SIGLEC5: variants seen among roughly 807,000 people sequenced by gnomAD.
SIGLEC5 encodes sialic acid binding Ig like lectin 5, also known as sialic acid-binding Ig-like lectin 5.
In SIGLEC5, 34 loss-of-function variants were observed where a neutral mutation model predicts 45.9. The ratio of observed to expected loss-of-function variants is 0.74; its 90% CI spans 0.56 to 0.99. SIGLEC5 has a LOEUF of 0.99. Ranked by LOEUF, SIGLEC5 falls within the 50% of genes least tolerant of loss-of-function variation. The probability of loss-of-function intolerance (pLI) is 0.00; values close to 1 mark genes in which losing one functional copy is unlikely to be tolerated. For missense variants in SIGLEC5, 508 were observed against 629.6 expected, an observed-to-expected ratio of 0.81 and a Z score of 2.07; for synonymous variants, 203 against 258.6, an observed-to-expected ratio of 0.79 and a Z score of 2.06.
chr19:51,627,185 A>G lies in SIGLEC5; in HGVS notation c.1346T>C (p.Leu449Pro). The change falls in exon 7 of 9, where the codon CTG becomes CCG. Residue 449 changes from leucine (L) to proline (P), a missense_variant. This residue lies in a region of SIGLEC5 where 431 missense variants were observed against 428.8 expected (regional missense o/e 1.01). Coordinates refer to ENST00000683636, the MANE Select transcript of SIGLEC5 (RefSeq NM_003830.4). Reference sequence around the variant, plus strand: ...GATGAGGCACAGACAGATACAGAGCAGGGCCATGACACCAGCACCACCAAG... The same window carrying G: ...GATGAGGCACAGACAGATACAGAGCGGGGCCATGACACCAGCACCACCAAG... ...AALGGAGVMA[L>P]LCICLCLIFF... 3 of 1,614,102 alleles carry G rather than the reference A, an allele frequency of 1.9e-6. No individual in the cohort carries two copies. The highest frequency in any genetic ancestry group is 2.5e-6 in the Non-Finnish European group (3 of 1,179,980).
chr19:51,626,235 C>A, intron 7 of SIGLEC5, 122 bp from the exon 8 acceptor site: 1 of 733,254 alleles, frequency 1.4e-6, no homozygotes, highest in East Asian at 2.6e-5. Flanking sequence ...GAACTAAACT[C>A]GGAGACCTTC....
Position 51,611,044 on chromosome 19 carries a change from A to G in SIGLEC5, c.*1187T>C, listed in dbSNP as rs552783974. On this transcript the variant is annotated 3_prime_UTR_variant, in exon 9 of 9. Coordinates refer to ENST00000683636, the MANE Select transcript of SIGLEC5 (RefSeq NM_003830.4). ...TGTCATAACCAAAACAGTAGTCACA[A>G]TTCACCTTCTTTACAGTGATGAAAA... is the stretch of plus-strand genomic sequence containing the variant. 1.1e-4 allele frequency among the ~76,000 whole-genome samples: 17 copies of G among 152,322 alleles called. No individual in the cohort carries two copies. In the South Asian group the frequency reaches 3.5e-3, roughly 32 times the overall value.
chr19:51,624,679 C>T (rs964104225), intron 8 of SIGLEC5, among the ~76,000 whole-genome samples: 1 of 152,102 alleles, frequency 6.6e-6, no homozygotes, highest in African/African-American at 2.4e-5. Flanking sequence ...AAGAATTCCA[C>T]AGATATTGGC....
In SIGLEC5 at chr19:51,612,337, T is replaced by A. The variant is rs1452261069; in HGVS notation, c.1550A>T (p.Glu517Val). 4 of 1,613,470 alleles carry A rather than the reference T, an allele frequency of 2.5e-6. No homozygotes were observed. Among genetic ancestry groups the A allele is most frequent in the Non-Finnish European group, 3.4e-6 (4 of 1,179,808 alleles). Residue 517 changes from glutamate (E) to valine (V), a missense_variant, in exon 9 of 9, where the codon GAG becomes GTG. Glu to Val is a moderately radical substitution (Grantham distance 121). Transcript: ENST00000683636. The stretch of plus-strand genomic sequence containing the variant: ...AAAACTAAGGGAGGCATAATGGAGC[T>A]CCTTTTGTTCTTCCAAGGGAGGGGC... ...GDAPPLEEQKELHYASLSFSE... is the reference protein window; with the variant it reads ...GDAPPLEEQKVLHYASLSFSE...
At chr19:51,616,046 G>A (rs897162524) in intron 8 of SIGLEC5, among the ~76,000 whole-genome samples, 5 of 152,194 alleles carry the variant, frequency 3.3e-5, no homozygotes, top group African/African-American at 1.2e-4. Context: ...AAAGTGCTGG[G>A]ATTATAGGCG....
At chr19:51,616,372 C>A (rs1983053567) in intron 8 of SIGLEC5, among the ~76,000 whole-genome samples, 1 of 152,138 alleles carries the variant, frequency 6.6e-6, no homozygotes, top group Non-Finnish European at 1.5e-5. Context: ...ACAAAGTGTG[C>A]ATGCAAAATG....
At chr19:51,618,792 C>A (rs1348093528) in intron 8 of SIGLEC5, among the ~76,000 whole-genome samples, 35 of 48,324 alleles carry the variant, frequency 7.2e-4, no homozygotes, top group Admixed American at 1.4e-3. Context: ...ACTCTGTCTC[C>A]AAAAAAAAAA....
At chr19:51,626,969 A>G (rs1983504072) in intron 7 of SIGLEC5, among the ~76,000 whole-genome samples, 180 bp downstream of exon 7, 1 of 152,124 alleles carries the variant, frequency 6.6e-6, no homozygotes, top group Admixed American at 6.5e-5. Context: ...CATTGGCACA[A>G]TCCTGGCTCA....
In SIGLEC5 at chr19:51,629,043, C is replaced by T. The variant is rs780435059; in HGVS notation, c.734G>A (p.Gly245Asp). The change falls in exon 4 of 9, where the codon GGC becomes GAC. Residue 245 changes from glycine to aspartate, a missense_variant. Gly to Asp is a moderately conservative substitution (Grantham distance 94). Coordinates refer to ENST00000683636, the MANE Select transcript of SIGLEC5 (RefSeq NM_003830.4). ...APQTITIFRN[G>D]IALEILQNTS... ...AGAGAGGAGGTCTTTCCTACCTATG[C>T]CGTTCCTGAAGATGGTGATGGTCTG... is the stretch of plus-strand genomic sequence containing the variant. 5 of 1,613,686 alleles carry T rather than the reference C, an allele frequency of 3.1e-6. No individual in the cohort carries two copies. The highest frequency in any genetic ancestry group is 4.2e-6 in the Non-Finnish European group (5 of 1,179,838).
Position 51,629,895 on chromosome 19 carries a change from A to G in SIGLEC5, c.359T>C (p.Val120Ala), listed in dbSNP as rs749101348. 9 of 1,184,484 alleles carry G rather than the reference A, an allele frequency of 7.6e-6. No individual in the cohort carries two copies. The East Asian group carries it at 1.8e-4, about 24-fold the overall frequency. 73.4% of individuals were successfully genotyped at this position (1,184,484 alleles called of 1,614,324 possible). The change falls in exon 2 of 9, where the codon GTG (valine) becomes GCG (alanine). Residue 120 changes from valine to alanine, a missense_variant. This residue lies in a region of SIGLEC5 where 77 missense variants were observed against 200.8 expected (regional missense o/e 0.38). Transcript: ENST00000683636. ...ATATTTTACATCCCTTCCTCTCTCC[A>G]CGCGGAAGAAATAGCTTCCCGTGTC... ...MEDTGSYFFR[V>A]ERGRDVKYSY...
intron 4 of SIGLEC5, 66 bp downstream of exon 4, chr19:51,628,972 T>A (rs1568593913): frequency 1.4e-6 from 2 of 1,459,570 alleles, no homozygotes; most frequent in African/African-American, 1.4e-5. Context: ...AAGCTCTGAT[T>A]CTCTACCTCT....
intron 4 of SIGLEC5, 110 bp from the exon 5 acceptor site, chr19:51,628,201 C>T (rs114835415): frequency 1.7e-5 from 21 of 1,261,130 alleles, no homozygotes; most frequent in Non-Finnish European, 2.0e-5. Flanking sequence ...CTCCCCTGGC[C>T]TATGCTGGCT....
intron 8 of SIGLEC5, among the ~76,000 whole-genome samples, chr19:51,618,443 T>TAAAAAAAAAAAAAAAAAAAAAAAAAAA (rs1228951315): frequency 2.0e-5 from 1 of 49,438 alleles, no homozygotes; most frequent in Non-Finnish European, 3.4e-5. Context: ...AGACCCTGCC[T>TAAAAAAAAAAAAAAAAAAAAAAAAAAA]AAAAAAAAAA....
rs375088094 is a variant in SIGLEC5 at position 51,626,130 on chromosome 19, G to A, written c.1383-17C>T. On this transcript the variant is annotated splice_polypyrimidine_tract_variant and intron_variant, in intron 7 of 8. Transcript: ENST00000683636. Reference sequence around the variant, plus strand: ...GCTTTCACTCTAAGGAAAGAAACCAGCACAGTGCAGCTGGGACCACCCAGG... The same window carrying A: ...GCTTTCACTCTAAGGAAAGAAACCAACACAGTGCAGCTGGGACCACCCAGG... The A allele has an allele frequency of 2.0e-5, 32 of 1,609,528 alleles. No individual in the cohort carries two copies. Among genetic ancestry groups the A allele is most frequent in the Non-Finnish European group, 2.7e-5 (32 of 1,177,138 alleles).
At chr19:51,618,443 T>TCAAAA (rs1369433406) in intron 8 of SIGLEC5, among the ~76,000 whole-genome samples, 1 of 49,438 alleles carries the variant, frequency 2.0e-5, no homozygotes, top group African/African-American at 8.8e-5. Context: ...AGACCCTGCC[T>TCAAAA]AAAAAAAAAA....
intron 6 of SIGLEC5, 64 bp from the exon 7 acceptor site, chr19:51,627,312 C>A: frequency 6.4e-7 from 1 of 1,566,100 alleles, no homozygotes; most frequent in Non-Finnish European, 8.8e-7. Flanking sequence ...CTCCCACCTG[C>A]TGGGCAACTT....
rs1983642744 is a variant in SIGLEC5 at position 51,629,369 on chromosome 19, A to G, written c.689T>C (p.Leu230Pro). The change falls in exon 3 of 9, where the codon CTC (leucine) becomes CCC (proline). Residue 230 changes from leucine (L) to proline (P), a missense_variant. Around this residue, in one of 2 missense-constraint regions of SIGLEC5, gnomAD observed 431 missense variants for 428.8 expected, o/e 1.01. Coordinates refer to ENST00000683636, the MANE Select transcript of SIGLEC5 (RefSeq NM_003830.4). ...AQVTTERTVQ[L>P]NVSYAPQTIT... ...CCAGCACCACTCACAGGAGACATTG[A>G]GCTGGACAGTTCTCTCCGTGGTCAC... 3 of 1,613,526 alleles carry G rather than the reference A, an allele frequency of 1.9e-6. No individual in the cohort carries two copies. Among genetic ancestry groups the G allele is most frequent in the Non-Finnish European group, 1.7e-6 (2 of 1,179,938 alleles).
chr19:51,622,183 G>T (rs1280119399), intron 8 of SIGLEC5, among the ~76,000 whole-genome samples: 1 of 152,160 alleles, frequency 6.6e-6, no homozygotes, highest in East Asian at 1.9e-4. Flanking sequence ...CCAGGCTGGA[G>T]TGCACTGGCG....
intron 8 of SIGLEC5, 102 bp downstream of exon 8, chr19:51,625,930 C>T (rs1399318671): frequency 2.4e-6 from 2 of 844,254 alleles, no homozygotes; most frequent in African/African-American, 3.3e-5. Flanking sequence ...GAGAAGAGAA[C>T]TCCCAGGTGA....
Sources: allele counts gnomAD v4.1 joint callset (sites outside exome capture counted in the v4.1 genomes callset), GRCh38; gene constraint gnomAD v4.1.1; regional missense constraint gnomAD v4.1.1; transcripts MANE v1.5; gene names NCBI Gene and HGNC (gene_info 2026-07-23, HGNC 2026-07-21).